HSD17B6: variants seen among roughly 807,000 people sequenced by gnomAD.
The protein encoded by HSD17B6 is 17-beta-hydroxysteroid dehydrogenase type 6.
In HSD17B6, 16 loss-of-function variants were observed where a neutral mutation model predicts 26.4. That is an observed-to-expected ratio of 0.61 (90% CI 0.41 to 0.92). The LOEUF is 0.92. Ranked by LOEUF, HSD17B6 falls within the 40% of genes least tolerant of loss-of-function variation. The probability of loss-of-function intolerance (pLI) is 0.00; values close to 1 mark genes in which losing one functional copy is unlikely to be tolerated. For synonymous variants in HSD17B6, 139 were observed against 153.0 expected (o/e 0.91, Z 0.68); for missense variants, 357 against 386.1 (o/e 0.92, Z 0.63).
At position 56,784,989 on chromosome 12, in the gene HSD17B6, A is replaced by C. The variant is rs1954844654; in HGVS notation, c.709A>C (p.Thr237Pro). 1 of 1,613,244 alleles carries C rather than the reference A, an allele frequency of 6.2e-7. No homozygotes were observed. Among genetic ancestry groups the C allele is most frequent in the Admixed American group, 1.7e-5 (1 of 59,786 alleles). ...AGAAGCCCCCAAGCATATTAAGGAG[A>C]CCTATGGACAGCAGTATTTTGATGC... ...WKEAPKHIKE[T>P]YGQQYFDALY... The change falls in exon 4 of 5, where the codon ACC (threonine) becomes CCC (proline). Residue 237 changes from threonine (T) to proline (P), a missense_variant. Physicochemically the swap from Thr to Pro is conservative, Grantham distance 38. Coordinates refer to ENST00000322165, the MANE Select transcript of HSD17B6 (RefSeq NM_003725.4).
intron 3 of HSD17B6, among the ~76,000 whole-genome samples, chr12:56,782,639 G>A (rs1404235346): frequency 1.3e-5 from 2 of 150,440 alleles, no homozygotes; most frequent in African/African-American, 2.4e-5. Flanking sequence ...GACTATGGGT[G>A]CACGCTGCCA....
intron 2 of HSD17B6, among the ~76,000 whole-genome samples, chr12:56,778,738 A>C (rs968962024): frequency 3.4e-5 from 5 of 146,078 alleles, no homozygotes; most frequent in Non-Finnish European, 3.0e-5. Context: ...GCAGTGGCGC[A>C]ATCTCGGCTC....
chr12:56,784,470 C>G (rs1443529573), intron 3 of HSD17B6, among the ~76,000 whole-genome samples: 1 of 152,200 alleles, frequency 6.6e-6, no homozygotes, highest in Non-Finnish European at 1.5e-5. Flanking sequence ...CGGTTAGGAG[C>G]TGGAGACCGG....
At chr12:56,779,651 C>T (rs1954669903) in intron 2 of HSD17B6, among the ~76,000 whole-genome samples, 1 of 152,128 alleles carries the variant, frequency 6.6e-6, no homozygotes, top group African/African-American at 2.4e-5. Context: ...AAATTAACAT[C>T]TTTACCTTTC....
chr12:56,783,893 A>C (rs1023041609), intron 3 of HSD17B6, among the ~76,000 whole-genome samples: 1 of 146,772 alleles, frequency 6.8e-6, no homozygotes, highest in African/African-American at 2.5e-5. Context: ...GGTGGCAGCC[A>C]GGTGGAGGGG....
At chr12:56,784,501 C>G (rs529706569) in intron 3 of HSD17B6, among the ~76,000 whole-genome samples, 1 of 152,302 alleles carries the variant, frequency 6.6e-6, no homozygotes, top group South Asian at 2.1e-4. Flanking sequence ...ACAGTGAAAC[C>G]CCGTCTCCAC....
Position 56,787,160 on chromosome 12 carries a change from AGC to A in HSD17B6, c.773_774del (p.Ser258AsnfsTer8). 1 of 1,614,162 alleles carries A rather than the reference AGC, an allele frequency of 6.2e-7. No homozygotes were observed. The part of the protein sequence containing the change: ...NIMKEGLLNC[S>X]TNLNLVTDCM... Reference sequence around the variant, plus strand: ...CATGAAGGAAGGGCTGTTGAATTGTAGCACAAACCTGAACCTGGTCACTGACT... The same window carrying A: ...CATGAAGGAAGGGCTGTTGAATTGTAACAAACCTGAACCTGGTCACTGACT... On this transcript the variant is annotated frameshift_variant, in exon 5 of 5. Transcript: ENST00000322165. LOFTEE classifies it low-confidence loss of function (END_TRUNC).
intron 2 of HSD17B6, among the ~76,000 whole-genome samples, chr12:56,779,142 T>G (rs1043485853): frequency 6.6e-6 from 1 of 151,916 alleles, no homozygotes; most frequent in Non-Finnish European, 1.5e-5. Flanking sequence ...TATTATTATT[T>G]TATTTTTTTT....
chr12:56,781,963 A>G lies in HSD17B6; in HGVS notation c.314-11A>G. 6.2e-7 allele frequency: 1 copy of G among 1,608,564 alleles called. No homozygotes were observed. Among genetic ancestry groups the G allele is most frequent in the South Asian group, 1.1e-5 (1 of 90,288 alleles). On this transcript the variant is annotated splice_polypyrimidine_tract_variant and intron_variant, in intron 2 of 4. Coordinates refer to ENST00000322165, the MANE Select transcript of HSD17B6 (RefSeq NM_003725.4). ...AAACCAAACTCCTGATATGACTTTT[A>G]ATTGTTTTAGGACTCTGGGGACTGG...
chr12:56,780,722 G>A (rs1161288902), intron 2 of HSD17B6, among the ~76,000 whole-genome samples: 9 of 151,474 alleles, frequency 5.9e-5, no homozygotes, highest in Admixed American at 5.3e-4. Flanking sequence ...TTAGCCGGGC[G>A]TCTGTAGTCC....
intron 1 of HSD17B6, among the ~76,000 whole-genome samples, chr12:56,770,008 A>G (rs918268638): frequency 6.6e-6 from 1 of 152,198 alleles, no homozygotes; most frequent in African/African-American, 2.4e-5. Flanking sequence ...TTTAGTCAAT[A>G]AACAGTCAGG....
At chr12:56,783,994 A>G (rs1954811955) in intron 3 of HSD17B6, among the ~76,000 whole-genome samples, 1 of 150,098 alleles carries the variant, frequency 6.7e-6, no homozygotes, top group South Asian at 2.1e-4. Flanking sequence ...CTCACCTCCC[A>G]GACGGGGTCG....
chr12:56,768,369 G>T (rs1954391297), intron 1 of HSD17B6, among the ~76,000 whole-genome samples: 1 of 152,028 alleles, frequency 6.6e-6, no homozygotes, highest in Non-Finnish European at 1.5e-5. Flanking sequence ...TAGAGGGCCT[G>T]TGCTTGCCCT....
rs370297301 is a variant in HSD17B6, at chr12:56,787,210, G to C, written c.822G>C (p.Ser274=). 1.2e-6 allele frequency: 2 copies of C among 1,614,104 alleles called. No homozygotes were observed. The highest frequency in any genetic ancestry group is 2.2e-5 in the East Asian group (1 of 44,886). Residue 274 remains serine, a synonymous_variant, in exon 5 of 5, where the codon TCG becomes TCC. Transcript: ENST00000322165. ...VTDCMEHALT[S]VHPRTRYSAG... ...ACTGCATGGAACATGCTCTGACATC[G>C]GTGCATCCGCGAACTCGATATTCAG... is the stretch of plus-strand genomic sequence containing the variant.
intron 2 of HSD17B6, among the ~76,000 whole-genome samples, chr12:56,777,559 C>G (rs1256100441): frequency 6.6e-6 from 1 of 152,038 alleles, no homozygotes; most frequent in African/African-American, 2.4e-5. Flanking sequence ...AGCTGGGTTT[C>G]TCCATGTTGG....
At chr12:56,787,064 G>A (rs1954890491) in intron 4 of HSD17B6, 61 bp from the exon 5 acceptor site, 1 of 1,289,870 alleles carries the variant, frequency 7.8e-7, no homozygotes. Flanking sequence ...TTCTGTGACT[G>A]CATGATCTTA....
intron 3 of HSD17B6, among the ~76,000 whole-genome samples, chr12:56,784,565 C>A (rs1306280262): frequency 1.3e-5 from 2 of 152,124 alleles, no homozygotes; most frequent in East Asian, 3.9e-4. Context: ...CAATCGCAGG[C>A]ACTTGGCAGG....
chr12:56,768,801 A>G (rs1954402552), intron 1 of HSD17B6, among the ~76,000 whole-genome samples: 1 of 151,802 alleles, frequency 6.6e-6, no homozygotes, highest in Non-Finnish European at 1.5e-5. Flanking sequence ...ATAGGATAAC[A>G]TTGATTTGTT....
At chr12:56,780,238 A>C (rs907674663) in intron 2 of HSD17B6, among the ~76,000 whole-genome samples, 9 of 152,226 alleles carry the variant, frequency 5.9e-5, no homozygotes, top group Non-Finnish European at 1.0e-4. Context: ...GGGGTGTAAA[A>C]AGTAAAGTGG....
Sources: gnomAD v4.1 joint callset for allele counts (sites outside exome capture counted in the v4.1 genomes callset) on GRCh38, gnomAD v4.1.1 for gene constraint, MANE v1.5 for transcripts, NCBI Gene and HGNC (gene_info 2026-07-23, HGNC 2026-07-21) for gene names.